TTC7B: variants seen among roughly 807,000 people sequenced by gnomAD.
TTC7B encodes tetratricopeptide repeat domain 7B, also known as tetratricopeptide repeat protein 7B.
TTC7B carries 28 observed loss-of-function variants against 106.8 expected under a neutral mutation model. The observed-to-expected ratio is 0.26, with a 90% CI of 0.19 to 0.36. TTC7B has a LOEUF of 0.36. Among genes scored for constraint, TTC7B ranks in the 10% least tolerant of loss-of-function variants. The probability of loss-of-function intolerance (pLI) is 1.00; values close to 1 mark genes in which losing one functional copy is unlikely to be tolerated. For synonymous variants in TTC7B, 405 were observed against 430.6 expected, an observed-to-expected ratio of 0.94 and a Z score of 0.74; for missense variants, 862 against 1,076.4, an observed-to-expected ratio of 0.80 and a Z score of 2.79.
intron 17 of TTC7B, among the ~76,000 whole-genome samples, chr14:90,594,090 C>T (rs1353847440): frequency 1.3e-5 from 2 of 152,130 alleles, no homozygotes; most frequent in African/African-American, 2.4e-5. Context: ...AGCAACTTCC[C>T]GTTTCATTAG....
chr14:90,589,426 T>G (rs146088113), intron 18 of TTC7B, among the ~76,000 whole-genome samples: 2 of 152,348 alleles, frequency 1.3e-5, no homozygotes, highest in Non-Finnish European at 2.9e-5. Flanking sequence ...GTGTTTTAAA[T>G]CATCTCTAGA....
intron 5 of TTC7B, among the ~76,000 whole-genome samples, chr14:90,722,190 T>A (rs1487664962): frequency 1.3e-5 from 2 of 152,162 alleles, no homozygotes; most frequent in Non-Finnish European, 2.9e-5. Context: ...CGCTACTCCA[T>A]CAACTTCCAT....
chr14:90,568,032 C>T (rs1032439719), intron 19 of TTC7B, among the ~76,000 whole-genome samples: 1 of 152,188 alleles, frequency 6.6e-6, no homozygotes, highest in African/African-American at 2.4e-5. Flanking sequence ...CTGGGACCAG[C>T]ACCAAATGGT....
At chr14:90,583,392 G>T (rs1001266937) in intron 18 of TTC7B, among the ~76,000 whole-genome samples, 3 of 152,188 alleles carry the variant, frequency 2.0e-5, no homozygotes, top group Non-Finnish European at 4.4e-5. Flanking sequence ...CATTTCTGTG[G>T]CACAGATCAA....
At chr14:90,767,269 A>G (rs1258699908) in intron 3 of TTC7B, among the ~76,000 whole-genome samples, 5 of 152,186 alleles carry the variant, frequency 3.3e-5, no homozygotes, top group African/African-American at 1.2e-4. Flanking sequence ...AATAAGTGAA[A>G]TGAAAAATTC....
chr14:90,656,080 C>T (rs1885935436), intron 11 of TTC7B, among the ~76,000 whole-genome samples: 1 of 152,164 alleles, frequency 6.6e-6, no homozygotes, highest in African/African-American at 2.4e-5. Context: ...CCCACGTGAC[C>T]AAACTACACT....
chr14:90,644,456 G>C (rs916649157), intron 14 of TTC7B, among the ~76,000 whole-genome samples: 1 of 152,106 alleles, frequency 6.6e-6, no homozygotes, highest in Non-Finnish European at 1.5e-5. Flanking sequence ...TGATACAGGA[G>C]ACCCTGTTTC....
chr14:90,610,692 C>G, intron 17 of TTC7B, 50 bp downstream of exon 17: 1 of 1,360,314 alleles, frequency 7.4e-7, no homozygotes, highest in South Asian at 1.2e-5. Flanking sequence ...GTCCCAGGCC[C>G]CCACATTCTC....
Position 90,570,672 on chromosome 14 carries a change from A to G in TTC7B, c.2310+7434T>C, listed in dbSNP as rs1402309001. ...GCAGAAAGGGAAGCTCCATGGGGCC[A>G]GGAGATGACTCACTCACTGTCAAAC... On this transcript the variant is annotated intron_variant, in intron 19 of 19. Coordinates refer to ENST00000328459, the MANE Select transcript of TTC7B (RefSeq NM_001010854.2). This position sits in a 1 kb window ranked among gnomAD's most constrained non-coding sequence, Gnocchi z 4.0. 6.6e-6 allele frequency among the ~76,000 whole-genome samples: 1 copy of G among 152,168 alleles called. No homozygotes were observed. The highest frequency in any genetic ancestry group is 1.9e-4 in the East Asian group (1 of 5,188).
intron 13 of TTC7B, chr14:90,648,585 C>T (rs1885575267): frequency 6.6e-6 from 1 of 152,208 alleles, no homozygotes; most frequent in Non-Finnish European, 1.5e-5. Context: ...CTACTAGGCT[C>T]AAGTGATCCT....
At chr14:90,612,024 T>C (rs1892897010) in intron 16 of TTC7B, among the ~76,000 whole-genome samples, 1 of 152,204 alleles carries the variant, frequency 6.6e-6, no homozygotes, top group East Asian at 1.9e-4. Context: ...TTTATGCAGC[T>C]GTTGCTAAAG....
At chr14:90,767,302 CTT>C (rs1275917758) in intron 3 of TTC7B, among the ~76,000 whole-genome samples, 2 of 152,148 alleles carry the variant, frequency 1.3e-5, no homozygotes, top group Non-Finnish European at 2.9e-5. Flanking sequence ...CAAAGGCAAA[CTT>C]GAGCAGGCAG....
chr14:90,647,615 G>A (rs1885519496), intron 13 of TTC7B, among the ~76,000 whole-genome samples: 1 of 35,978 alleles, frequency 2.8e-5, no homozygotes, highest in African/African-American at 7.2e-5. Flanking sequence ...GCAGATAACT[G>A]TCGTGTAAGA....
chr14:90,610,644 C>A, intron 17 of TTC7B, 98 bp downstream of exon 17: 2 of 856,872 alleles, frequency 2.3e-6, no homozygotes, highest in South Asian at 1.4e-5. Context: ...AGAAATTTTT[C>A]CAACCCCAAC....
chr14:90,582,824 G>A (rs1014837083), intron 18 of TTC7B, among the ~76,000 whole-genome samples: 1 of 152,178 alleles, frequency 6.6e-6, no homozygotes, highest in Admixed American at 6.5e-5. Context: ...CTTGCATGGG[G>A]CACAACGTCT....
intron 19 of TTC7B, among the ~76,000 whole-genome samples, chr14:90,572,075 C>CGA (rs143634318): frequency 1.5e-4 from 23 of 152,112 alleles, no homozygotes; most frequent in African/African-American, 5.5e-4. Flanking sequence ...ATTTAAGAGA[C>CGA]GAGAGAGAGA....
intron 7 of TTC7B, among the ~76,000 whole-genome samples, chr14:90,683,433 A>C (rs1476396806): frequency 1.3e-5 from 2 of 152,304 alleles, no homozygotes; most frequent in South Asian, 2.1e-4. Context: ...CCCAAGTCAC[A>C]CTGTCTGCAA....
At chr14:90,763,406 A>G (rs752887532) in intron 3 of TTC7B, among the ~76,000 whole-genome samples, 1 of 152,228 alleles carries the variant, frequency 6.6e-6, no homozygotes, top group Non-Finnish European at 1.5e-5. Context: ...TGAAAACGCC[A>G]CTGCTAACAT....
intron 17 of TTC7B, chr14:90,605,639 G>A: frequency 7.8e-7 from 1 of 1,288,908 alleles, no homozygotes. Flanking sequence ...CTGAATGAAT[G>A]AGCTGCAGGG....
Sources: allele counts gnomAD v4.1 joint callset (sites outside exome capture counted in the v4.1 genomes callset), GRCh38; gene constraint gnomAD v4.1.1; non-coding constraint Gnocchi (gnomAD v3.1); transcripts MANE v1.5; gene names NCBI Gene and HGNC (gene_info 2026-07-23, HGNC 2026-07-21).